RNF216: variants seen among roughly 807,000 people sequenced by gnomAD.
RNF216 encodes E3 ubiquitin-protein ligase RNF216.
In RNF216, 72 loss-of-function variants were observed where a neutral mutation model predicts 110.8. The observed-to-expected ratio is 0.65, with a 90% confidence interval of 0.54 to 0.79. The LOEUF is 0.79. RNF216 is among the 30% of genes least tolerant of loss of function. The pLI is 0.00. For missense variants in RNF216, 1,342 were observed against 1,141.2 expected (o/e 1.18, Z -2.54); for synonymous variants, 495 against 407.5 (o/e 1.21, Z -2.59).
chr7:5,654,683 C>T, intron 13 of RNF216, among the ~76,000 whole-genome samples: 1 of 91,958 alleles, frequency 1.1e-5, no homozygotes, highest in Admixed American at 1.2e-4. Flanking sequence ...CCAGACTCCG[C>T]CTCAAAAAAA....
In RNF216 at chr7:5,750,467, A is replaced by C. The variant is rs1795271651; in HGVS notation, c.201+2379T>G. Among the ~76,000 whole-genome samples the C allele has an allele frequency of 2.0e-5, 3 of 152,234 alleles. No individual in the cohort carries two copies. The South Asian group carries it at 6.2e-4, about 31-fold the overall frequency. On this transcript the variant is annotated intron_variant, in intron 3 of 16. Transcript: ENST00000389902. ...AGAAATGGGAGTGACTTAGAGAGGA[A>C]AATTACATTTCAAAAGAAAACTCCA...
At chr7:5,758,583 T>C (rs1334133389) in intron 2 of RNF216, among the ~76,000 whole-genome samples, 1 of 152,162 alleles carries the variant, frequency 6.6e-6, no homozygotes, top group East Asian at 1.9e-4. Flanking sequence ...GCCATGAATG[T>C]GAGATGTGGA....
chr7:5,774,861 G>C (rs1433571028), intron 1 of RNF216: 1 of 151,970 alleles, frequency 6.6e-6, no homozygotes, highest in Non-Finnish European at 1.5e-5. Context: ...GAGTTCAAGT[G>C]ATTCTCCTGT....
intron 15 of RNF216, among the ~76,000 whole-genome samples, chr7:5,635,348 C>A (rs1019294093): frequency 6.6e-6 from 1 of 150,664 alleles, no homozygotes; most frequent in Admixed American, 6.6e-5. Flanking sequence ...AGAAATAACA[C>A]GCCAAAGCCA....
At chr7:5,708,808 G>A (rs1275646959) in intron 13 of RNF216, among the ~76,000 whole-genome samples, 1 of 152,106 alleles carries the variant, frequency 6.6e-6, no homozygotes, top group African/African-American at 2.4e-5. Context: ...CAGTGAGTTG[G>A]GTGAGACAGA....
intron 13 of RNF216, among the ~76,000 whole-genome samples, chr7:5,689,349 A>AT (rs1791181589): frequency 6.7e-6 from 1 of 148,286 alleles, no homozygotes; most frequent in Admixed American, 6.7e-5. Flanking sequence ...AACAATAACC[A>AT]TATTTGTAGT....
At chr7:5,736,544 C>G (rs1344526106) in intron 5 of RNF216, among the ~76,000 whole-genome samples, 1 of 152,194 alleles carries the variant, frequency 6.6e-6, no homozygotes, top group South Asian at 2.1e-4. Flanking sequence ...GCCGCCACCC[C>G]GTCTGGGAAG....
In RNF216 at chr7:5,741,611, C is replaced by A; in HGVS notation, c.406G>T (p.Asp136Tyr). 6.2e-7 allele frequency: 1 copy of A among 1,614,140 alleles called. No homozygotes were observed. The highest frequency in any genetic ancestry group is 1.1e-5 in the South Asian group (1 of 91,070). ...TCAGAGATTCCAGGAGGCCCAAGATCCAGAAATTCACCGTAGTCATCCTCA... is the reference window on the plus strand; with the variant it reads ...TCAGAGATTCCAGGAGGCCCAAGATACAGAAATTCACCGTAGTCATCCTCA... ...DSEDDYGEFLDLGPPGISEFT... is the reference protein window; with the variant it reads ...DSEDDYGEFLYLGPPGISEFT... Residue 136 changes from aspartate to tyrosine, a missense_variant, in exon 4 of 17, where the codon GAT (aspartate) becomes TAT (tyrosine). Transcript: ENST00000389902.
At position 5,709,772 on chromosome 7, in the gene RNF216, A is replaced by G. The variant is rs767151828; in HGVS notation, c.2061+1989T>C. On this transcript the variant is annotated intron_variant, in intron 13 of 16. Coordinates refer to ENST00000389902, the MANE Select transcript of RNF216 (RefSeq NM_207111.4). ...TTTATTTTTTAAATTTTTTTCTTTTAAAGACAGAGTCTTAGTCTGTTGTCC... is the reference window on the plus strand; with the variant it reads ...TTTATTTTTTAAATTTTTTTCTTTTGAAGACAGAGTCTTAGTCTGTTGTCC... 9.2e-5 allele frequency among the ~76,000 whole-genome samples: 14 copies of G among 152,176 alleles called. No homozygotes were observed. The Middle Eastern group carries it at 0.01, about 111-fold the overall frequency.
At chr7:5,733,783 T>TA (rs913877561) in intron 5 of RNF216, among the ~76,000 whole-genome samples, 4 of 152,170 alleles carry the variant, frequency 2.6e-5, no homozygotes, top group African/African-American at 9.6e-5. Context: ...AAATGTCACT[T>TA]ATGCTACTTC....
At chr7:5,637,071 C>T (rs182916351) in intron 15 of RNF216, among the ~76,000 whole-genome samples, 2 of 152,128 alleles carry the variant, frequency 1.3e-5, no homozygotes, top group African/African-American at 4.8e-5. Flanking sequence ...GCCTGTGGAG[C>T]TCTTCATAGC....
In RNF216 at chr7:5,764,579, C is replaced by A. The variant is rs912186801; in HGVS notation, c.-69-3441G>T. On this transcript the variant is annotated intron_variant, in intron 1 of 16. Coordinates refer to ENST00000389902, the MANE Select transcript of RNF216 (RefSeq NM_207111.4). Reference sequence around the variant, plus strand: ...GAGAGAATCGCTTGAACCCGGGAGGCGGAGGTTGCAGTAGGCCAAGATTGT... The same window carrying A: ...GAGAGAATCGCTTGAACCCGGGAGGAGGAGGTTGCAGTAGGCCAAGATTGT... Among the ~76,000 whole-genome samples, 3 of 150,468 alleles carry A rather than the reference C, an allele frequency of 2.0e-5. No homozygotes were observed. In the Admixed American group the frequency reaches 2.0e-4, roughly 10 times the overall value.
intron 3 of RNF216, among the ~76,000 whole-genome samples, chr7:5,749,261 C>A (rs371536469): frequency 1.1e-4 from 17 of 151,076 alleles, no homozygotes; most frequent in African/African-American, 3.6e-4. Flanking sequence ...AGCGATTCTA[C>A]TGCCTCAGCC....
chr7:5,642,956 GGA>G (rs1787831383), intron 14 of RNF216, among the ~76,000 whole-genome samples: 1 of 152,028 alleles, frequency 6.6e-6, no homozygotes, highest in Admixed American at 6.6e-5. Context: ...AGCTGCTCAA[GGA>G]GAGAAGAGGC....
At chr7:5,707,908 G>C (rs894451890) in intron 13 of RNF216, among the ~76,000 whole-genome samples, 2 of 152,040 alleles carry the variant, frequency 1.3e-5, no homozygotes, top group Non-Finnish European at 2.9e-5. Flanking sequence ...TGTATTTTTA[G>C]TAGAGACAGA....
intron 15 of RNF216, among the ~76,000 whole-genome samples, chr7:5,638,867 G>A (rs1389806650): frequency 6.6e-6 from 1 of 152,064 alleles, no homozygotes; most frequent in Non-Finnish European, 1.5e-5. Flanking sequence ...ACTCCAGGAT[G>A]CAAGTGATGC....
At chr7:5,663,923 C>T (rs543223776) in intron 13 of RNF216, among the ~76,000 whole-genome samples, 4 of 151,628 alleles carry the variant, frequency 2.6e-5, no homozygotes, top group Admixed American at 1.3e-4. Flanking sequence ...AACAAAAAAA[C>T]CCCAAAACAA....
intron 13 of RNF216, among the ~76,000 whole-genome samples, chr7:5,706,381 C>T (rs1792291448): frequency 6.6e-6 from 1 of 152,150 alleles, no homozygotes; most frequent in Non-Finnish European, 1.5e-5. Flanking sequence ...CAGTGACTCC[C>T]CACTTTGCCT....
chr7:5,707,166 TA>T (rs1792346471), intron 13 of RNF216, among the ~76,000 whole-genome samples: 1 of 152,250 alleles, frequency 6.6e-6, no homozygotes, highest in South Asian at 2.1e-4. Flanking sequence ...TGTAGCTTTG[TA>T]ATAAGTTTTG....
Sources: gnomAD v4.1 joint callset for allele counts (sites outside exome capture counted in the v4.1 genomes callset) on GRCh38, gnomAD v4.1.1 for gene constraint, MANE v1.5 for transcripts, NCBI Gene and HGNC (gene_info 2026-07-23, HGNC 2026-07-21) for gene names.